SLC13A4: variants seen among roughly 807,000 people sequenced by gnomAD.
SLC13A4 encodes Na(+)/sulfate cotransporter SUT-1.
SLC13A4 carries 28 observed loss-of-function variants against 72.7 expected under a neutral mutation model. The ratio of observed to expected loss-of-function variants is 0.39; its 90% CI spans 0.29 to 0.53. The LOEUF (loss-of-function observed/expected upper bound fraction) is 0.53, where lower values mean the gene tolerates loss of function less well. SLC13A4 is among the 20% of genes least tolerant of loss of function. The pLI is 0.78. For missense variants in SLC13A4, 653 were observed against 788.0 expected, an observed-to-expected ratio of 0.83 and a Z score of 2.05; for synonymous variants, 312 against 325.5, an observed-to-expected ratio of 0.96 and a Z score of 0.45.
chr7:135,715,471 G>A (rs115572469), intron 2 of SLC13A4, among the ~76,000 whole-genome samples: 1 of 132,330 alleles, frequency 7.6e-6, no homozygotes, highest in Non-Finnish European at 1.7e-5. Flanking sequence ...GCATATGAGT[G>A]TGTGTATGTG....
rs141597781 is a variant in SLC13A4 at position 135,688,405 on chromosome 7, C to T, written c.1447-2722G>A. Among the ~76,000 whole-genome samples, 990 of 151,286 alleles carry T rather than the reference C, an allele frequency of 6.5e-3. 14 individuals are homozygous for T. Among genetic ancestry groups the T allele is most frequent in the African/African-American group, 0.022 (900 of 41,164 alleles). On this transcript the variant is annotated intron_variant, in intron 13 of 15. Coordinates refer to ENST00000682651, the MANE Select transcript of SLC13A4 (RefSeq NM_001318192.2). The stretch of plus-strand genomic sequence containing the variant: ...CCAAGTAGCTGGGATTAAAAGTGTC[C>T]GCCACCACGCCTAACTAATTTTTGT...
At chr7:135,684,646 G>GTT (rs534173554) in intron 14 of SLC13A4, among the ~76,000 whole-genome samples, 23 of 132,424 alleles carry the variant, frequency 1.7e-4, no homozygotes, top group Non-Finnish European at 2.0e-4. Context: ...AACTAAGGTG[G>GTT]TTTTTTTTTT....
chr7:135,696,986 G>A (rs1320043751), intron 8 of SLC13A4, among the ~76,000 whole-genome samples: 1 of 152,114 alleles, frequency 6.6e-6, no homozygotes, highest in East Asian at 1.9e-4. Flanking sequence ...TTAAATATGT[G>A]AGCTTAATAT....
At chr7:135,725,856 C>A (rs1410122078) in intron 1 of SLC13A4, among the ~76,000 whole-genome samples, 3 of 152,148 alleles carry the variant, frequency 2.0e-5, no homozygotes, top group Non-Finnish European at 2.9e-5. Flanking sequence ...GTAGTCCCAG[C>A]TACTCCAGAG....
At chr7:135,722,592 G>GAA (rs11376305) in intron 1 of SLC13A4, among the ~76,000 whole-genome samples, 75 of 146,506 alleles carry the variant, frequency 5.1e-4, no homozygotes, top group Middle Eastern at 7.0e-3. Flanking sequence ...TGTGAGATTT[G>GAA]AAAAAAAAAA....
At chr7:135,725,065 G>A (rs549157421) in intron 1 of SLC13A4, among the ~76,000 whole-genome samples, 1 of 152,268 alleles carries the variant, frequency 6.6e-6, no homozygotes, top group South Asian at 2.1e-4. Context: ...CAACACCACT[G>A]GTTCCTTATA....
intron 15 of SLC13A4, among the ~76,000 whole-genome samples, chr7:135,682,544 T>C (rs1232675719): frequency 6.6e-6 from 1 of 152,212 alleles, no homozygotes; most frequent in Non-Finnish European, 1.5e-5. Context: ...GTGTCCTCTC[T>C]CTCCTGCCGT....
At chr7:135,708,347 C>A in intron 2 of SLC13A4, 97 bp from the exon 3 acceptor site, 1 of 1,523,378 alleles carries the variant, frequency 6.6e-7, no homozygotes, top group East Asian at 2.3e-5. Flanking sequence ...AAAACCTGTT[C>A]TCAATCAAAG....
chr7:135,702,847 C>T lies in SLC13A4; in HGVS notation c.631G>A (p.Glu211Lys), dbSNP rs563522177. Residue 211 changes from glutamate (E) to lysine (K), a missense_variant and splice_region_variant, in exon 6 of 16, where the codon GAG (glutamate) becomes AAG (lysine). Coordinates refer to ENST00000682651, the MANE Select transcript of SLC13A4 (RefSeq NM_001318192.2). ...NADLTTLMHN[E>K]NLNGVPSITN... ...ACAGAAAAACCCCAAGGCCATACCT[C>T]GTTGTGCATCAGAGTGGTGAGGTCT... 1.3e-5 allele frequency: 21 copies of T among 1,613,756 alleles called. No homozygotes were observed. In the African/African-American group the frequency reaches 1.9e-4, roughly 14 times the overall value.
intron 13 of SLC13A4, among the ~76,000 whole-genome samples, chr7:135,686,620 C>T (rs1042949562): frequency 2.0e-5 from 3 of 152,196 alleles, no homozygotes; most frequent in Non-Finnish European, 4.4e-5. Context: ...GATTCTCCCA[C>T]GTTGGTCTCC....
intron 5 of SLC13A4, 144 bp downstream of exon 5, chr7:135,705,452 G>T: frequency 1.5e-6 from 1 of 686,100 alleles, no homozygotes; most frequent in African/African-American, 1.8e-5. Context: ...GGGGGAGGTT[G>T]GGCGGGGTGG....
chr7:135,699,078 A>G (rs1795972109), intron 8 of SLC13A4, among the ~76,000 whole-genome samples: 1 of 152,036 alleles, frequency 6.6e-6, no homozygotes, highest in African/African-American at 2.4e-5. Context: ...CTGGGACTGT[A>G]TACAGGTGCG....
intron 14 of SLC13A4, 81 bp downstream of exon 14, chr7:135,685,441 G>A (rs931054296): frequency 1.5e-5 from 19 of 1,269,252 alleles, no homozygotes; most frequent in African/African-American, 4.4e-5. Flanking sequence ...CTACAGCTAC[G>A]GAAGCTGCCC....
chr7:135,695,189 G>A (rs1015837993), intron 9 of SLC13A4, among the ~76,000 whole-genome samples, 179 bp downstream of exon 9: 1 of 152,210 alleles, frequency 6.6e-6, no homozygotes, highest in Admixed American at 6.5e-5. Context: ...GTTCACAAAT[G>A]TTTAGAATGT....
At chr7:135,719,793 G>GTGTGTGTGTGTGTA (rs1554479995) in intron 2 of SLC13A4, among the ~76,000 whole-genome samples, 1 of 139,774 alleles carries the variant, frequency 7.2e-6, no homozygotes, top group Admixed American at 6.8e-5. Flanking sequence ...GTGTGTGTGT[G>GTGTGTGTGTGTGTA]TGTGTGTGTA....
chr7:135,716,523 G>A lies in SLC13A4; in HGVS notation c.228+4872C>T, dbSNP rs144898771. Among the ~76,000 whole-genome samples, 839 of 152,298 alleles carry A rather than the reference G, an allele frequency of 5.5e-3. 7 individuals are homozygous for A. Among genetic ancestry groups the A allele is most frequent in the African/African-American group, 0.019 (778 of 41,568 alleles). Reference sequence around the variant, plus strand: ...GAGATGGGTTTCACCATGCTGGCCAGGCTGGTCTCAAACCCCTGACCTCAG... The same window carrying A: ...GAGATGGGTTTCACCATGCTGGCCAAGCTGGTCTCAAACCCCTGACCTCAG... On this transcript the variant is annotated intron_variant, in intron 2 of 15. Coordinates refer to ENST00000682651, the MANE Select transcript of SLC13A4 (RefSeq NM_001318192.2).
At chr7:135,701,275 C>T (rs981119806) in intron 7 of SLC13A4, among the ~76,000 whole-genome samples, 2 of 152,224 alleles carry the variant, frequency 1.3e-5, no homozygotes, top group African/African-American at 4.8e-5. Flanking sequence ...ATACAAGCCT[C>T]AACATTCATT....
At chr7:135,721,604 G>T in intron 1 of SLC13A4, 81 bp from the exon 2 acceptor site, 1 of 1,555,728 alleles carries the variant, frequency 6.4e-7, no homozygotes, top group Non-Finnish European at 8.8e-7. Flanking sequence ...GGCATCTGAG[G>T]CAGCAGACTC....
intron 1 of SLC13A4, among the ~76,000 whole-genome samples, chr7:135,726,962 C>G (rs979978235): frequency 6.6e-6 from 1 of 152,206 alleles, no homozygotes; most frequent in Non-Finnish European, 1.5e-5. Flanking sequence ...CCTCCCCCAA[C>G]CTTCTCCTCA....
Sources: gnomAD v4.1 joint callset for allele counts (sites outside exome capture counted in the v4.1 genomes callset) on GRCh38, gnomAD v4.1.1 for gene constraint, MANE v1.5 for transcripts, NCBI Gene and HGNC (gene_info 2026-07-23, HGNC 2026-07-21) for gene names.